Variants in NRTN observed in about 807,000 individuals in gnomAD.
NRTN encodes neurturin.
A neutral mutation model predicts 7.5 loss-of-function variants in NRTN; 3 were observed. The observed-to-expected ratio is 0.40, with a 90% CI of 0.18 to 1.03. NRTN has a LOEUF of 1.03. Ranked by LOEUF, NRTN falls within the 50% of genes least tolerant of loss-of-function variation. NRTN has a pLI of 0.34. For synonymous variants in NRTN, 157 were observed against 146.6 expected (o/e 1.07, Z -0.51); for missense variants, 310 against 307.0 (o/e 1.01, Z -0.07).
chr19:5,808,288 G>A (rs2056979832), intron 1 of NRTN, among the ~76,000 whole-genome samples: 1 of 152,184 alleles, frequency 6.6e-6, no homozygotes, highest in Admixed American at 6.5e-5. Flanking sequence ...ACCTGTGCCA[G>A]CTGCTTAGCC....
chr19:5,811,192 C>T (rs555478450), intron 1 of NRTN, among the ~76,000 whole-genome samples: 26 of 152,096 alleles, frequency 1.7e-4, no homozygotes, highest in African/African-American at 5.3e-4. Context: ...GAGCCGAGAT[C>T]GTGCAACTGC....
chr19:5,823,049 AAGAAAGAAAG>A (rs2057031271), intron 1 of NRTN, among the ~76,000 whole-genome samples: 4 of 142,772 alleles, frequency 2.8e-5, no homozygotes, highest in Non-Finnish European at 6.1e-5. Flanking sequence ...GAGAGAGAGA[AAGAAAGAAAG>A]GAAAGAAAGG....
In NRTN at chr19:5,805,116, C is replaced by T. The variant is rs2056970973; in HGVS notation, c.-734C>T. Among the ~76,000 whole-genome samples, 1 of 146,708 alleles carries T rather than the reference C, an allele frequency of 6.8e-6. No individual in the cohort carries two copies. ...GAAGCCGCTCCGAGTGCCCAGGTCC[C>T]TCTCGCCGCCGCCCCGGAGCCCCGT... On this transcript the variant is annotated 5_prime_UTR_variant, in exon 1 of 3. Transcript: ENST00000303212.
rs1162488790 is a variant in NRTN, at chr19:5,805,126, C to T, written c.-724C>T. Among the ~76,000 whole-genome samples the T allele has an allele frequency of 4.8e-5, 7 of 146,786 alleles. No individual in the cohort carries two copies. The East Asian group carries it at 1.2e-3, about 25-fold the overall frequency. ...CGAGTGCCCAGGTCCCTCTCGCCGC[C>T]GCCCCGGAGCCCCGTGCTGCGCGCC... On this transcript the variant is annotated 5_prime_UTR_variant, in exon 1 of 3. Transcript: ENST00000303212.
At chr19:5,819,952 A>C (rs930945213) in intron 1 of NRTN, among the ~76,000 whole-genome samples, 6 of 152,022 alleles carry the variant, frequency 3.9e-5, no homozygotes, top group Admixed American at 6.6e-5. Flanking sequence ...GTTGGACATA[A>C]AGTAGGTGAT....
At chr19:5,817,429 AAGAG>A (rs1379469772) in intron 1 of NRTN, among the ~76,000 whole-genome samples, 5 of 130,702 alleles carry the variant, frequency 3.8e-5, no homozygotes, top group South Asian at 2.9e-4. Context: ...GAGAGAGAGA[AAGAG>A]AGAAAGGAAG....
chr19:5,825,043 A>G (rs2057040661), intron 2 of NRTN, among the ~76,000 whole-genome samples: 1 of 151,988 alleles, frequency 6.6e-6, no homozygotes, highest in African/African-American at 2.4e-5. Flanking sequence ...GGTCCCAGTG[A>G]CCTGCCCCAG....
chr19:5,827,105 T>C (rs1294968546), intron 2 of NRTN, among the ~76,000 whole-genome samples: 2 of 152,022 alleles, frequency 1.3e-5, no homozygotes, highest in Non-Finnish European at 2.9e-5. Context: ...CCCCGATTCA[T>C]TTCTTGGATA....
chr19:5,821,724 C>A (rs2057025464), intron 1 of NRTN, among the ~76,000 whole-genome samples: 1 of 152,180 alleles, frequency 6.6e-6, no homozygotes, highest in Non-Finnish European at 1.5e-5. Flanking sequence ...ACTTCCCCTG[C>A]AAATTCACTC....
chr19:5,821,867 G>A (rs2057025896), intron 1 of NRTN, among the ~76,000 whole-genome samples: 1 of 152,106 alleles, frequency 6.6e-6, no homozygotes, highest in Non-Finnish European at 1.5e-5. Context: ...TTCTCAGGGT[G>A]ACTACAGCAT....
At position 5,824,352 on chromosome 19, in the gene NRTN, G is replaced by A; in HGVS notation, c.169+18G>A. The A allele has an allele frequency of 6.3e-7, 1 of 1,589,336 alleles. No individual in the cohort carries two copies. The highest frequency in any genetic ancestry group is 8.5e-7 in the Non-Finnish European group (1 of 1,170,652). ...GGCCCAGTGTAAGCTCCTCCTCTGT[G>A]TGGGGTCAGATACCCCCAACGTAAG... On this transcript the variant is annotated intron_variant, in intron 2 of 2. Coordinates refer to ENST00000303212, the MANE Select transcript of NRTN (RefSeq NM_004558.5).
intron 1 of NRTN, among the ~76,000 whole-genome samples, chr19:5,817,862 T>C (rs904809946): frequency 1.4e-4 from 22 of 152,022 alleles, no homozygotes; most frequent in Non-Finnish European, 2.4e-4. Context: ...TGCAGTGGTG[T>C]GATCTCAGCT....
intron 1 of NRTN, among the ~76,000 whole-genome samples, chr19:5,805,972 T>C (rs561610194): frequency 3.9e-5 from 6 of 152,094 alleles, no homozygotes; most frequent in African/African-American, 1.4e-4. Context: ...CACGGTGTCC[T>C]CCGGTGAGGG....
At chr19:5,822,794 A>G (rs952207528) in intron 1 of NRTN, among the ~76,000 whole-genome samples, 8 of 152,150 alleles carry the variant, frequency 5.3e-5, no homozygotes, top group African/African-American at 1.9e-4. Context: ...TGAGCCCAGG[A>G]GTTTGAGACC....
intron 1 of NRTN, among the ~76,000 whole-genome samples, chr19:5,811,757 G>C (rs2056991278): frequency 6.7e-6 from 1 of 150,348 alleles, no homozygotes; most frequent in Middle Eastern, 3.2e-3. Flanking sequence ...CACCATGTTA[G>C]CCAGGCTGGT....
chr19:5,817,427 GAA>G (rs2057008313), intron 1 of NRTN, among the ~76,000 whole-genome samples: 1 of 140,466 alleles, frequency 7.1e-6, no homozygotes, highest in South Asian at 2.4e-4. Flanking sequence ...GGGAGAGAGA[GAA>G]AGAGAGAAAG....
At chr19:5,819,309 T>C (rs1042725541) in intron 1 of NRTN, among the ~76,000 whole-genome samples, 3 of 152,052 alleles carry the variant, frequency 2.0e-5, no homozygotes, top group African/African-American at 7.2e-5. Flanking sequence ...GGAGGCTCGC[T>C]TGAGCCCAGG....
In NRTN at chr19:5,827,873, G is replaced by T; in HGVS notation, c.294G>T (p.Leu98Phe). ...GPRRRRARARLGARPCGLREL... is the reference protein window; with the variant it reads ...GPRRRRARARFGARPCGLREL... ...GGCGGCGGCGCGCGCGTGCGCGGTTGGGGGCGCGGCCTTGCGGGCTGCGCG... is the reference window on the plus strand; with the variant it reads ...GGCGGCGGCGCGCGCGTGCGCGGTTTGGGGCGCGGCCTTGCGGGCTGCGCG... Residue 98 changes from leucine (L) to phenylalanine (F), a missense_variant, in exon 3 of 3, where the codon TTG (leucine) becomes TTT (phenylalanine). Physicochemically the swap from Leu to Phe is conservative, Grantham distance 22. Transcript: ENST00000303212. 7.8e-7 allele frequency: 1 copy of T among 1,274,060 alleles called. No homozygotes were observed. The highest frequency in any genetic ancestry group is 9.9e-7 in the Non-Finnish European group (1 of 1,009,632). The allele number at this position is 1,274,060 out of a possible 1,614,324, so 78.9% of individuals were successfully genotyped here. A position where few individuals can be genotyped will look rare whatever the true frequency, so the allele number is the denominator to read the frequency against.
intron 1 of NRTN, among the ~76,000 whole-genome samples, chr19:5,807,746 G>A (rs1157569745): frequency 3.9e-5 from 6 of 152,242 alleles, no homozygotes; most frequent in African/African-American, 7.2e-5. Flanking sequence ...CTTAAATAGC[G>A]CAGTGTGTCA....
Sources: gnomAD v4.1 joint callset for allele counts (sites outside exome capture counted in the v4.1 genomes callset) on GRCh38, gnomAD v4.1.1 for gene constraint, MANE v1.5 for transcripts, NCBI Gene and HGNC (gene_info 2026-07-23, HGNC 2026-07-21) for gene names.